The following MYO1A variants were observed in gnomAD, a reference collection of about 807,000 sequenced individuals.
MYO1A encodes the protein myosin IA.
Under a neutral mutation model 138.5 loss-of-function variants are expected in MYO1A, and 127 were observed. The ratio of observed to expected loss-of-function variants is 0.92; its 90% CI spans 0.79 to 1.06. The LOEUF (loss-of-function observed/expected upper bound fraction) is 1.06. Among genes scored for constraint, MYO1A ranks in the 50% least tolerant of loss-of-function variants. The pLI is 0.00. For missense variants in MYO1A, 1,211 were observed against 1,288.8 expected (o/e 0.94, Z 0.92); for synonymous variants, 477 against 497.5 (o/e 0.96, Z 0.55).
rs1429797470 is a variant in MYO1A, at chr12:57,041,231, A to T, written c.1222T>A (p.Phe408Ile). The T allele has an allele frequency of 1.2e-6, 2 of 1,613,972 alleles. No individual in the cohort carries two copies. Among genetic ancestry groups the T allele is most frequent in the African/African-American group, 1.3e-5 (1 of 75,032 alleles). ...NYCNEKLQQV[F>I]IEMTLKEEQE... ...TCTTCTTTCAGGGTCATCTCTATGAACACCTGCTGCAGCTTCTCATTGCAG... is the reference window on the plus strand; with the variant it reads ...TCTTCTTTCAGGGTCATCTCTATGATCACCTGCTGCAGCTTCTCATTGCAG... Residue 408 changes from phenylalanine to isoleucine, a missense_variant, in exon 14 of 28, where the codon TTC becomes ATC. Physicochemically the swap from Phe to Ile is conservative, Grantham distance 21. Transcript: ENST00000300119.
At chr12:57,047,745 G>T (rs2031174655) in intron 3 of MYO1A, 24 bp from the exon 4 acceptor site, 2 of 1,613,706 alleles carry the variant, frequency 1.2e-6, no homozygotes, top group South Asian at 2.2e-5. Flanking sequence ...AGTGGGCAAT[G>T]ACTATTGTGA....
intron 14 of MYO1A, 106 bp from the exon 15 acceptor site, chr12:57,039,380 C>T: frequency 5.8e-6 from 5 of 863,464 alleles, no homozygotes; most frequent in South Asian, 1.3e-5. Context: ...ATCAGAAAGC[C>T]CCATAGTTCA....
chr12:57,039,104 G>T, intron 15 of MYO1A, 95 bp from the exon 16 acceptor site: 3 of 1,560,890 alleles, frequency 1.9e-6, no homozygotes, highest in Non-Finnish European at 2.6e-6. Context: ...CTTATCTTCT[G>T]CCCTCTTTAC....
intron 18 of MYO1A, 61 bp downstream of exon 18, chr12:57,037,808 C>T (rs2030634810): frequency 1.3e-6 from 2 of 1,577,340 alleles, no homozygotes; most frequent in Middle Eastern, 1.7e-4. Flanking sequence ...CAGGTCTCTT[C>T]CCCCAGAGAT....
In MYO1A at chr12:57,044,214, G is replaced by C. The variant is rs867675836; in HGVS notation, c.641-5C>G. ...CCCGCTCAAGCTTCAGGGCCTCTGG[G>C]AGGGCCAGTGTTGGGGAAGATGGTT... On this transcript the variant is annotated splice_region_variant and splice_polypyrimidine_tract_variant and intron_variant, in intron 8 of 27. Coordinates refer to ENST00000300119, the MANE Select transcript of MYO1A (RefSeq NM_005379.4). The C allele has an allele frequency of 1.2e-6, 2 of 1,612,722 alleles. No homozygotes were observed. The highest frequency in any genetic ancestry group is 2.7e-5 in the African/African-American group (2 of 75,034).
intron 27 of MYO1A, 71 bp from the exon 28 acceptor site, chr12:57,028,952 C>G: frequency 6.3e-7 from 1 of 1,595,202 alleles, no homozygotes; most frequent in Non-Finnish European, 8.6e-7. Context: ...CCATGATGGC[C>G]CCCCCATCAT....
rs1251066247 is a variant in MYO1A at position 57,047,333 on chromosome 12, G to T, written c.400C>A (p.Gln134Lys). 1.9e-6 allele frequency: 3 copies of T among 1,614,160 alleles called. No individual in the cohort carries two copies. The highest frequency in any genetic ancestry group is 2.2e-5 in the East Asian group (1 of 44,870). Residue 134 changes from glutamine to lysine, a missense_variant, in exon 5 of 28, where the codon CAG becomes AAG. Gln to Lys is a moderately conservative substitution (Grantham distance 53). Coordinates refer to ENST00000300119, the MANE Select transcript of MYO1A (RefSeq NM_005379.4). ...AGCACTGGGTTAGACTGTAGCAGCT[G>T]CTCCTTCACAGAGTTCACCTGCTCT... ...KGEQVNSVKE[Q>K]LLQSNPVLEA...
chr12:57,033,422 C>T (rs1215103585), intron 22 of MYO1A, among the ~76,000 whole-genome samples: 3 of 152,130 alleles, frequency 2.0e-5, no homozygotes, highest in East Asian at 1.9e-4. Flanking sequence ...GCCACCATCA[C>T]AGCTCACTGC....
intron 15 of MYO1A, 96 bp from the exon 16 acceptor site, chr12:57,039,105 C>T: frequency 1.3e-6 from 2 of 1,560,236 alleles, no homozygotes; most frequent in Admixed American, 3.4e-5. Context: ...TTATCTTCTG[C>T]CCTCTTTACT....
intron 10 of MYO1A, 90 bp from the exon 11 acceptor site, chr12:57,043,448 A>T: frequency 8.1e-7 from 1 of 1,234,390 alleles, no homozygotes; most frequent in South Asian, 1.2e-5. Context: ...TGCCTGAGAC[A>T]CTGGTGTCCT....
In MYO1A at chr12:57,031,510, A is replaced by G. The variant is rs547181741; in HGVS notation, c.2350-336T>C. The stretch of plus-strand genomic sequence containing the variant: ...CTGTAGCTTTCTATTCCTTCTGTTC[A>G]CAATTGCCTACAGGTGGCAGCCACT... On this transcript the variant is annotated intron_variant, in intron 22 of 27. Coordinates refer to ENST00000300119, the MANE Select transcript of MYO1A (RefSeq NM_005379.4). Among the ~76,000 whole-genome samples, 3 of 152,324 alleles carry G rather than the reference A, an allele frequency of 2.0e-5. No individual in the cohort carries two copies. In the South Asian group the frequency reaches 6.2e-4, roughly 32 times the overall value.
intron 22 of MYO1A, among the ~76,000 whole-genome samples, chr12:57,033,460 G>A (rs1208290957): frequency 1.3e-5 from 2 of 151,968 alleles, no homozygotes; most frequent in Non-Finnish European, 2.9e-5. Flanking sequence ...GGGCTCAAGC[G>A]ATCCTCCCAC....
intron 17 of MYO1A, 84 bp downstream of exon 17, chr12:57,038,328 C>T: frequency 6.9e-7 from 1 of 1,450,360 alleles, no homozygotes; most frequent in Non-Finnish European, 9.6e-7. Flanking sequence ...CAGAAGCACC[C>T]CCACATGGAC....
rs762805596 is a variant in MYO1A, at chr12:57,029,164, C to T, written c.2973G>A (p.Thr991=). ...TCACGGTGACTGTAAGCTGCCTCTGCGTGGCATCCAGCACAGCCCGGTACA... is the reference window on the plus strand; with the variant it reads ...TCACGGTGACTGTAAGCTGCCTCTGTGTGGCATCCAGCACAGCCCGGTACA... ...TKMYRAVLDA[T]QRQLTVTVTE... Residue 991 remains threonine (T), a synonymous_variant, in exon 27 of 28, where the codon ACG becomes ACA. Transcript: ENST00000300119. The T allele has an allele frequency of 1.1e-5, 17 of 1,614,014 alleles. No homozygotes were observed. The highest frequency in any genetic ancestry group is 8.9e-5 in the East Asian group (4 of 44,894).
intron 22 of MYO1A, among the ~76,000 whole-genome samples, chr12:57,035,135 C>T (rs888497651): frequency 3.9e-5 from 6 of 152,108 alleles, no homozygotes; most frequent in African/African-American, 1.4e-4. Flanking sequence ...CTGGTCTAAA[C>T]CCAGCAGCTT....
chr12:57,047,423 G>A lies in MYO1A; in HGVS notation c.326-16C>T, dbSNP rs554969401. ...TTGCTGGCCTCTGTGCAGGCAAAAC[G>A]CTCTCATGGGTCCCCACCCAGGACT... On this transcript the variant is annotated splice_polypyrimidine_tract_variant and intron_variant, in intron 4 of 27. Coordinates refer to ENST00000300119, the MANE Select transcript of MYO1A (RefSeq NM_005379.4). 40 of 1,610,922 alleles carry A rather than the reference G, an allele frequency of 2.5e-5. No homozygotes were observed. The highest frequency in any genetic ancestry group is 5.5e-5 in the South Asian group (5 of 91,024).
intron 19 of MYO1A, 51 bp from the exon 20 acceptor site, chr12:57,037,142 G>T: frequency 6.2e-7 from 1 of 1,607,738 alleles, no homozygotes; most frequent in Non-Finnish European, 8.5e-7. Context: ...GGGGAACAGT[G>T]CTGTCCTCTC....
chr12:57,048,315 G>T lies in MYO1A; in HGVS notation c.9C>A (p.Leu3=). The T allele has an allele frequency of 6.2e-7, 1 of 1,613,532 alleles. No homozygotes were observed. Among genetic ancestry groups the T allele is most frequent in the Non-Finnish European group, 8.5e-7 (1 of 1,179,438 alleles). ...CCTCCACCCCCACAGAACCTTCCAG[G>T]AGAGGCATGTCCAGAGGGGCCACTG... MP[L]LEGSVGVEDL... is the part of the protein sequence containing the mutation. Residue 3 remains leucine (L), a synonymous_variant, in exon 2 of 28, where the codon CTC becomes CTA. Transcript: ENST00000300119.
At position 57,028,656 on chromosome 12, in the gene MYO1A, C is replaced by G; in HGVS notation, c.*99G>C. 1 of 1,517,362 alleles carries G rather than the reference C, an allele frequency of 6.6e-7. No homozygotes were observed. The highest frequency in any genetic ancestry group is 9.0e-7 in the Non-Finnish European group (1 of 1,112,810). 94.0% of individuals were successfully genotyped at this position (1,517,362 alleles called of 1,614,324 possible). ...AGTTTAATCCCCAAGCCATGCGCCA[C>G]GATCAGAGGGGTTAGAGATCCTCCC... On this transcript the variant is annotated 3_prime_UTR_variant, in exon 28 of 28. Transcript: ENST00000300119.
Sources: gnomAD v4.1 joint callset for allele counts (sites outside exome capture counted in the v4.1 genomes callset) on GRCh38, gnomAD v4.1.1 for gene constraint, MANE v1.5 for transcripts, NCBI Gene and HGNC (gene_info 2026-07-23, HGNC 2026-07-21) for gene names.